Variants in NRXN1 observed in about 807,000 individuals in gnomAD.
NRXN1 encodes neurexin 1, also known as neurexin-1.
NRXN1 carries 39 observed loss-of-function variants against 150.9 expected under a neutral mutation model. The ratio of observed to expected loss-of-function variants is 0.26; its 90% CI spans 0.20 to 0.34. NRXN1 has a LOEUF of 0.34. Ranked by LOEUF, NRXN1 falls within the 10% of genes least tolerant of loss-of-function variation. The probability of loss-of-function intolerance (pLI) is 1.00; values close to 1 mark genes in which losing one functional copy is unlikely to be tolerated. For synonymous variants in NRXN1, 924 were observed against 757.0 expected, an observed-to-expected ratio of 1.22 and a Z score of -3.62; for missense variants, 1,815 against 1,949.9, an observed-to-expected ratio of 0.93 and a Z score of 1.30.
intron 5 of NRXN1, among the ~76,000 whole-genome samples, chr2:50,773,285 T>A (rs898755617): frequency 6.6e-6 from 1 of 152,166 alleles, no homozygotes; most frequent in Non-Finnish European, 1.5e-5. Context: ...GTCCAGAGGG[T>A]CTCTTTTCAG....
At chr2:50,625,467 C>T (rs772275349) in intron 5 of NRXN1, among the ~76,000 whole-genome samples, 13 of 152,046 alleles carry the variant, frequency 8.6e-5, no homozygotes, top group East Asian at 5.8e-4. Flanking sequence ...CCCATTCAAA[C>T]GCTCAGAATA....
intron 9 of NRXN1, among the ~76,000 whole-genome samples, chr2:50,550,820 T>C (rs1176902557): frequency 1.3e-5 from 2 of 151,858 alleles, no homozygotes; most frequent in South Asian, 2.1e-4. Flanking sequence ...TGGCTGGGAC[T>C]ACAGGCACCG....
intron 17 of NRXN1, among the ~76,000 whole-genome samples, chr2:50,254,909 A>T (rs992408697): frequency 6.6e-6 from 1 of 152,050 alleles, no homozygotes; most frequent in Middle Eastern, 3.4e-3. Context: ...TGAACTCAAG[A>T]GATCCTCCCA....
intron 17 of NRXN1, among the ~76,000 whole-genome samples, chr2:50,245,242 C>G (rs1487013958): frequency 5.3e-5 from 8 of 151,864 alleles, no homozygotes; most frequent in African/African-American, 1.9e-4. Context: ...GGCTCTTGGT[C>G]CAGGTTACCT....
intron 17 of NRXN1, among the ~76,000 whole-genome samples, chr2:50,443,216 G>T (rs78396436): frequency 7.3e-5 from 11 of 151,496 alleles, no homozygotes; most frequent in Admixed American, 5.9e-4. Context: ...ACAATTCAAG[G>T]GGGGGAGAGA....
chr2:50,676,127 T>C (rs1689507702), intron 5 of NRXN1, among the ~76,000 whole-genome samples: 3 of 151,978 alleles, frequency 2.0e-5, no homozygotes, highest in Non-Finnish European at 4.4e-5. Context: ...TTTTACAGGA[T>C]ATCTTGTTTT....
chr2:50,144,484 C>T (rs1437077254), intron 18 of NRXN1, among the ~76,000 whole-genome samples: 1 of 151,758 alleles, frequency 6.6e-6, no homozygotes, highest in African/African-American at 2.4e-5. Context: ...CTGCCACCTA[C>T]AGGGATTATA....
intron 5 of NRXN1, among the ~76,000 whole-genome samples, chr2:50,910,376 A>G (rs528928558): frequency 6.6e-6 from 1 of 152,118 alleles, no homozygotes; most frequent in African/African-American, 2.4e-5. Flanking sequence ...CCCATAGCTA[A>G]AAGAGATTTT....
chr2:50,768,740 C>A (rs1702646627), intron 5 of NRXN1, among the ~76,000 whole-genome samples: 1 of 151,872 alleles, frequency 6.6e-6, no homozygotes, highest in Non-Finnish European at 1.5e-5. Flanking sequence ...AGCTGGGTCA[C>A]CGAAAATCAC....
rs111943316 is a variant in NRXN1, at chr2:50,963,763, A to C, written c.773-37808T>G. ...TTAAGCAGATTCCTCTATTCTGTTC[A>C]TGAAGAATGTATATCTTCCTAAGGA... On this transcript the variant is annotated intron_variant, in intron 2 of 22. Coordinates refer to ENST00000401669, the MANE Select transcript of NRXN1 (RefSeq NM_001330078.2). Among the ~76,000 whole-genome samples the C allele has an allele frequency of 3.4e-3, 511 of 151,792 alleles. 8 individuals are homozygous for C. The highest frequency in any genetic ancestry group is 0.012 in the African/African-American group (491 of 41,518).
chr2:50,671,385 T>C lies in NRXN1; in HGVS notation c.833-47770A>G, dbSNP rs537427173. On this transcript the variant is annotated intron_variant, in intron 5 of 22. Coordinates refer to ENST00000401669, the MANE Select transcript of NRXN1 (RefSeq NM_001330078.2). ...TGTGTTGATAGCTAAAATTCAGATTTTCCAGTAGCTGAATATGGCAAAATT... is the reference window on the plus strand; with the variant it reads ...TGTGTTGATAGCTAAAATTCAGATTCTCCAGTAGCTGAATATGGCAAAATT... 1.8e-4 allele frequency among the ~76,000 whole-genome samples: 28 copies of C among 151,798 alleles called. 2 individuals carry two copies. Among genetic ancestry groups the C allele is most frequent in the African/African-American group, 6.5e-4 (27 of 41,532 alleles).
chr2:49,997,449 C>G (rs894571841), intron 21 of NRXN1, among the ~76,000 whole-genome samples: 1 of 152,096 alleles, frequency 6.6e-6, no homozygotes, highest in South Asian at 2.1e-4. Context: ...AGGCAATCTA[C>G]TGGAGATGAA....
At chr2:50,817,248 T>G (rs933730317) in intron 5 of NRXN1, among the ~76,000 whole-genome samples, 1 of 152,018 alleles carries the variant, frequency 6.6e-6, no homozygotes, top group Admixed American at 6.6e-5. Context: ...CATCAATAAC[T>G]TGGATAATCC....
At chr2:50,351,267 G>A (rs1255068699) in intron 17 of NRXN1, among the ~76,000 whole-genome samples, 1 of 152,200 alleles carries the variant, frequency 6.6e-6, no homozygotes, top group Non-Finnish European at 1.5e-5. Flanking sequence ...ACAGTGCGAT[G>A]TAAGTGTTTC....
At chr2:50,536,691 A>G (rs1253436164) in intron 10 of NRXN1, among the ~76,000 whole-genome samples, 1 of 152,230 alleles carries the variant, frequency 6.6e-6, no homozygotes, top group Non-Finnish European at 1.5e-5. Context: ...CAAGTCCGCT[A>G]ATCTCATATT....
intron 17 of NRXN1, among the ~76,000 whole-genome samples, chr2:50,365,641 T>C (rs955304076): frequency 9.9e-5 from 15 of 152,178 alleles, no homozygotes; most frequent in Middle Eastern, 3.4e-3. Context: ...TTAAAATCCA[T>C]CACACTGTTG....
intron 18 of NRXN1, among the ~76,000 whole-genome samples, chr2:50,185,806 C>A (rs936924375): frequency 6.6e-5 from 10 of 152,016 alleles, no homozygotes; most frequent in Non-Finnish European, 1.5e-4. Flanking sequence ...CAACAACTAG[C>A]TTTTATTATA....
chr2:50,608,652 T>C (rs1377228448), intron 8 of NRXN1, among the ~76,000 whole-genome samples: 1 of 152,100 alleles, frequency 6.6e-6, no homozygotes, highest in Non-Finnish European at 1.5e-5. Flanking sequence ...TAATGAAAGA[T>C]TGGTTTCAAT....
intron 17 of NRXN1, among the ~76,000 whole-genome samples, chr2:50,375,577 T>A (rs1396093661): frequency 6.7e-6 from 1 of 149,020 alleles, no homozygotes; most frequent in Non-Finnish European, 1.5e-5. Context: ...TAGAAAAAAA[T>A]TAGGAAACAG....
Sources: allele counts gnomAD v4.1 joint callset (sites outside exome capture counted in the v4.1 genomes callset), GRCh38; gene constraint gnomAD v4.1.1; transcripts MANE v1.5; gene names NCBI Gene and HGNC (gene_info 2026-07-23, HGNC 2026-07-21).